TRMT2B: variants seen among roughly 807,000 people sequenced by gnomAD.
TRMT2B encodes tRNA (uracil-5-)-methyltransferase homolog B.
In TRMT2B, 34 loss-of-function variants were observed where a neutral mutation model predicts 39.7. The ratio of observed to expected loss-of-function variants is 0.86; its 90% CI spans 0.65 to 1.14. The LOEUF (loss-of-function observed/expected upper bound fraction) is 1.14. Among genes scored for constraint, TRMT2B ranks in the 50% most tolerant of loss-of-function variants. TRMT2B has a pLI of 0.00. For missense variants in TRMT2B, 318 were observed against 377.2 expected, an observed-to-expected ratio of 0.84 and a Z score of 1.30; for synonymous variants, 132 against 137.3, an observed-to-expected ratio of 0.96 and a Z score of 0.27.
chrX:100,982,595 G>A, the TRMT2B span, among the ~76,000 whole-genome samples: 1 of 109,225 alleles, frequency 9.2e-6, no homozygotes. Context: ...CTACTGACGG[G>A]ACCTGGAGAT....
At chrX:100,980,969 G>C in the TRMT2B span, among the ~76,000 whole-genome samples, 4 of 111,785 alleles carry the variant, frequency 3.6e-5, no homozygotes, top group African/African-American at 1.3e-4. Flanking sequence ...TATTCAAGTT[G>C]TAACACAATG....
the TRMT2B span, among the ~76,000 whole-genome samples, chrX:100,974,704 T>C: frequency 9.0e-6 from 1 of 111,646 alleles, no homozygotes; most frequent in Admixed American, 9.5e-5. Context: ...AGTTCCGATA[T>C]GTCCAAGTTT....
Position 101,021,972 on chromosome X carries a change from C to A in TRMT2B, c.847G>T (p.Glu283Ter), listed in dbSNP as rs746388455. ...ACGLTSLYFQ[E>*]STMTRCSHQQ... is the part of the protein sequence containing the mutation. Reference sequence around the variant, plus strand: ...ATTTGGCTGTCCCAGGTTTACCTTTCCTGGAAGTAAAGTGAGGTCAAGCCA... The same window carrying A: ...ATTTGGCTGTCCCAGGTTTACCTTTACTGGAAGTAAAGTGAGGTCAAGCCA... Residue 283 changes from glutamate (E) to a stop codon, truncating the protein, a stop_gained, in exon 9 of 14, where the codon GAA becomes TAA. Transcript: ENST00000372936. LOFTEE classifies it high-confidence loss of function. 5.0e-6 allele frequency: 6 copies of A among 1,205,108 alleles called. No homozygotes were observed. The Admixed American group carries it at 1.3e-4, about 26-fold the overall frequency.
At chrX:100,987,690 A>ATGGGGC in the TRMT2B span, 2 of 701,639 alleles carry the variant, frequency 2.9e-6, no homozygotes, top group East Asian at 6.7e-5. Flanking sequence ...ATTGGCTCAA[A>ATGGGGC]TGGGGCTAGG....
chrX:101,036,464 A>AAAAAAAAAAAAAAAAAAAAAAAAAAAAGC (rs1164567723), intron 6 of TRMT2B, among the ~76,000 whole-genome samples: 1 of 108,384 alleles, frequency 9.2e-6, no homozygotes, highest in African/African-American at 3.4e-5. Flanking sequence ...AAAAAAAAAA[A>AAAAAAAAAAAAAAAAAAAAAAAAAAAAGC]AGCTCAGGAA....
downstream of TRMT2B, among the ~76,000 whole-genome samples, chrX:101,008,608 G>A (rs149301030): frequency 4.6e-3 from 513 of 111,961 alleles, no homozygotes; most frequent in Non-Finnish European, 7.6e-3. Flanking sequence ...GGGTGACAGA[G>A]TGAGGATCCA....
chrX:101,051,665 C>T lies in TRMT2B; in HGVS notation c.-438G>A. On this transcript the variant is annotated 5_prime_UTR_variant, in exon 2 of 14. Coordinates refer to ENST00000372936, the MANE Select transcript of TRMT2B (RefSeq NM_024917.6). ...CGACCTTGCGCAGTCACCGTCGGGT[C>T]CCGTCTCCAGCCCCGCCTGCCTCCT... 1 of 755,155 alleles carries T rather than the reference C, an allele frequency of 1.3e-6. No homozygotes were observed. Among genetic ancestry groups the T allele is most frequent in the South Asian group, 6.7e-5 (1 of 14,912 alleles). 62.2% of individuals were successfully genotyped at this position (755,155 alleles called of 1,213,427 possible).
At chrX:101,005,880 C>CAAAAAAA (rs370275736), downstream of TRMT2B, among the ~76,000 whole-genome samples, 4 of 64,262 alleles carry the variant, frequency 6.2e-5, no homozygotes, top group East Asian at 1.3e-3. Context: ...GATTCCCACT[C>CAAAAAAA]AAAAAAAAAA....
chrX:101,032,586 C>T (rs1170613328), intron 7 of TRMT2B, among the ~76,000 whole-genome samples: 1 of 105,192 alleles, frequency 9.5e-6, no homozygotes, highest in East Asian at 3.0e-4. Flanking sequence ...GACTCCATCT[C>T]AAAAAAATAA....
chrX:101,033,267 AAAAG>A (rs1406715287), intron 7 of TRMT2B, among the ~76,000 whole-genome samples: 2 of 107,943 alleles, frequency 1.9e-5, no homozygotes, highest in Non-Finnish European at 3.8e-5. Context: ...AAAAAAAAAA[AAAAG>A]AAAGAAAAGA....
At chrX:101,015,312 T>TA (rs2086458516) in intron 13 of TRMT2B, among the ~76,000 whole-genome samples, 1 of 112,046 alleles carries the variant, frequency 8.9e-6, no homozygotes, top group South Asian at 3.7e-4. Flanking sequence ...TTTGTAATTT[T>TA]AATCTATATT....
the TRMT2B span, among the ~76,000 whole-genome samples, chrX:100,977,245 A>G: frequency 9.1e-6 from 1 of 109,670 alleles, no homozygotes; most frequent in Admixed American, 9.7e-5. Flanking sequence ...GACTATAGTC[A>G]CTCTGTTGTG....
chrX:100,990,684 G>T, the TRMT2B span: 1 of 921,191 alleles, frequency 1.1e-6, no homozygotes, highest in South Asian at 2.2e-5. Context: ...AGATGCTGCT[G>T]ACAAAGCTTG....
chrX:101,024,532 A>T (rs1166944956), intron 7 of TRMT2B, among the ~76,000 whole-genome samples: 9 of 111,238 alleles, frequency 8.1e-5, no homozygotes, highest in Non-Finnish European at 1.5e-4. Context: ...ACAAAAAATA[A>T]AAAAAATTAG....
the TRMT2B span, among the ~76,000 whole-genome samples, chrX:100,977,261 G>A: frequency 2.8e-5 from 3 of 108,241 alleles, no homozygotes; most frequent in Non-Finnish European, 5.7e-5. Flanking sequence ...TTGTGCTATC[G>A]AATACTAGAT....
chrX:101,027,643 C>T (rs1004237866), intron 7 of TRMT2B, among the ~76,000 whole-genome samples: 1 of 110,774 alleles, frequency 9.0e-6, no homozygotes, highest in Non-Finnish European at 1.9e-5. Context: ...GTCCCTGTTC[C>T]TCTTCACTTT....
intron 7 of TRMT2B, among the ~76,000 whole-genome samples, chrX:101,035,143 T>A (rs1405943872): frequency 9.0e-6 from 1 of 111,522 alleles, no homozygotes; most frequent in Non-Finnish European, 1.9e-5. Flanking sequence ...AGGCCAGGAA[T>A]TCGAGACCAG....
intron 11 of TRMT2B, among the ~76,000 whole-genome samples, chrX:101,019,674 C>T (rs1469785807): frequency 9.3e-6 from 1 of 107,868 alleles, no homozygotes; most frequent in African/African-American, 3.4e-5. Context: ...CACTCTGTCA[C>T]CCAGACCAGA....
the TRMT2B span, among the ~76,000 whole-genome samples, chrX:100,984,336 G>T: frequency 9.6e-6 from 1 of 104,331 alleles, no homozygotes; most frequent in Non-Finnish European, 2.0e-5. Context: ...ATGGGGTTTT[G>T]CCATGTTGGC....
Sources: gnomAD v4.1 joint callset for allele counts (sites outside exome capture counted in the v4.1 genomes callset) on GRCh38, gnomAD v4.1.1 for gene constraint, MANE v1.5 for transcripts, NCBI Gene and HGNC (gene_info 2026-07-23, HGNC 2026-07-21) for gene names.